The following ZDHHC21 variants were observed in gnomAD, a reference collection of about 807,000 sequenced individuals.
ZDHHC21 encodes zDHHC palmitoyltransferase 21, also known as palmitoyltransferase ZDHHC21.
A neutral mutation model predicts 34.6 loss-of-function variants in ZDHHC21; 15 were observed. The ratio of observed to expected loss-of-function variants is 0.43; its 90% CI spans 0.29 to 0.67. The LOEUF (loss-of-function observed/expected upper bound fraction) is 0.67, where lower values mean the gene tolerates loss of function less well. Among genes scored for constraint, ZDHHC21 ranks in the 30% least tolerant of loss-of-function variants. The probability of loss-of-function intolerance (pLI) is 0.14; values close to 1 mark genes in which losing one functional copy is unlikely to be tolerated. For missense variants in ZDHHC21, 344 were observed against 327.7 expected (o/e 1.05, Z -0.38); for synonymous variants, 142 against 101.8 (o/e 1.40, Z -2.38).
At chr9:14,682,635 G>T (rs1176505820) in intron 2 of ZDHHC21, among the ~76,000 whole-genome samples, 1 of 152,156 alleles carries the variant, frequency 6.6e-6, no homozygotes, top group African/African-American at 2.4e-5. Flanking sequence ...CAACGAGACA[G>T]GAAGTTAACA....
chr9:14,661,441 T>C (rs977483722), intron 6 of ZDHHC21, among the ~76,000 whole-genome samples: 5 of 152,202 alleles, frequency 3.3e-5, no homozygotes, highest in Admixed American at 6.5e-5. Flanking sequence ...ATACTACATA[T>C]ATGTATACAG....
In ZDHHC21 at chr9:14,658,862, T is replaced by A; in HGVS notation, c.391A>T (p.Asn131Tyr). ...PWINNCVGED[N>Y]HWLFLQLCFY... Reference sequence around the variant, plus strand: ...CACAACTGCAGAAAGAGCCAATGATTATCTTCACCAACACAATTGTTAATC... The same window carrying A: ...CACAACTGCAGAAAGAGCCAATGATAATCTTCACCAACACAATTGTTAATC... Residue 131 changes from asparagine to tyrosine, a missense_variant, in exon 7 of 10, where the codon AAT becomes TAT. Physicochemically the swap from Asn to Tyr is moderately radical, Grantham distance 143. Coordinates refer to ENST00000380916, the MANE Select transcript of ZDHHC21 (RefSeq NM_178566.6). The A allele has an allele frequency of 1.2e-6, 2 of 1,613,072 alleles. No homozygotes were observed. Among genetic ancestry groups the A allele is most frequent in the Non-Finnish European group, 1.7e-6 (2 of 1,179,464 alleles).
At chr9:14,625,747 AAAAAT>A (rs1267910697) in intron 8 of ZDHHC21, among the ~76,000 whole-genome samples, 1 of 151,938 alleles carries the variant, frequency 6.6e-6, no homozygotes, top group Non-Finnish European at 1.5e-5. Context: ...TTTTATAATG[AAAAAT>A]AAAATAATAG....
At chr9:14,664,886 C>T (rs1475923977) in intron 5 of ZDHHC21, among the ~76,000 whole-genome samples, 1 of 151,572 alleles carries the variant, frequency 6.6e-6, no homozygotes, top group South Asian at 2.1e-4. Context: ...GATAAAATCA[C>T]AAAGATGGGG....
intron 2 of ZDHHC21, among the ~76,000 whole-genome samples, chr9:14,689,353 T>C (rs1056465733): frequency 6.6e-6 from 1 of 152,218 alleles, no homozygotes; most frequent in Non-Finnish European, 1.5e-5. Flanking sequence ...CAGAAGCTAA[T>C]AAAGAATGTA....
At chr9:14,658,673 G>A (rs1375755884) in intron 7 of ZDHHC21, 76 bp downstream of exon 7, 17 of 1,236,734 alleles carry the variant, frequency 1.4e-5, no homozygotes, top group African/African-American at 4.6e-5. Context: ...GGGTTTCACC[G>A]TGTTAGCCAG....
intron 7 of ZDHHC21, among the ~76,000 whole-genome samples, chr9:14,646,046 G>A (rs72704939): frequency 0.032 from 4,914 of 152,118 alleles, 103 homozygotes; most frequent in Non-Finnish European, 0.047. Context: ...AGCACTTCTC[G>A]CTATACATCT....
the ZDHHC21 span, among the ~76,000 whole-genome samples, chr9:14,599,336 C>T: frequency 6.6e-6 from 1 of 152,148 alleles, no homozygotes; most frequent in Admixed American, 6.5e-5. Flanking sequence ...ACTTGGGAAG[C>T]ACAAGGGGTT....
chr9:14,687,273 A>T, intron 2 of ZDHHC21, among the ~76,000 whole-genome samples: 1 of 150,858 alleles, frequency 6.6e-6, no homozygotes, highest in South Asian at 2.1e-4. Context: ...ATTTATAGTT[A>T]TCAGAGCTAC....
rs1035576631 is a variant in ZDHHC21 at position 14,651,155 on chromosome 9, A to T, written c.504+7594T>A. Among the ~76,000 whole-genome samples the T allele has an allele frequency of 6.6e-5, 10 of 151,850 alleles. No homozygotes were observed. The East Asian group carries it at 9.6e-4, about 15-fold the overall frequency. Reference sequence around the variant, plus strand: ...GCTGATTTCCAGCAGGAACATATTTAAAAAAATATTTTTAACCCACTGCGA... The same window carrying T: ...GCTGATTTCCAGCAGGAACATATTTTAAAAAATATTTTTAACCCACTGCGA... On this transcript the variant is annotated intron_variant, in intron 7 of 9. Coordinates refer to ENST00000380916, the MANE Select transcript of ZDHHC21 (RefSeq NM_178566.6).
At chr9:14,692,506 G>T (rs916875808) in intron 1 of ZDHHC21, among the ~76,000 whole-genome samples, 10 of 151,866 alleles carry the variant, frequency 6.6e-5, no homozygotes, top group African/African-American at 2.2e-4. Flanking sequence ...GTAATAATTG[G>T]TCATGTCCTC....
At position 14,618,960 on chromosome 9, in the gene ZDHHC21, A is replaced by G. The variant is rs772210050; in HGVS notation, c.*6T>C. 6.3e-7 allele frequency: 1 copy of G among 1,594,998 alleles called. No homozygotes were observed. The highest frequency in any genetic ancestry group is 8.5e-7 in the Non-Finnish European group (1 of 1,170,308). ...GAGGACCCATCTGTGCCCACCATCCATCTGTTTAGACATGATTGGCAAAGT... is the reference window on the plus strand; with the variant it reads ...GAGGACCCATCTGTGCCCACCATCCGTCTGTTTAGACATGATTGGCAAAGT... On this transcript the variant is annotated 3_prime_UTR_variant, in exon 10 of 10. Coordinates refer to ENST00000380916, the MANE Select transcript of ZDHHC21 (RefSeq NM_178566.6).
rs1824729233 is a variant in ZDHHC21 at position 14,618,861 on chromosome 9, G to C, written c.*105C>G. 1 of 1,305,916 alleles carries C rather than the reference G, an allele frequency of 7.7e-7. No homozygotes were observed. Among genetic ancestry groups the C allele is most frequent in the Non-Finnish European group, 1.0e-6 (1 of 989,192 alleles). 80.9% of individuals were successfully genotyped at this position (1,305,916 alleles called of 1,614,324 possible). The stretch of plus-strand genomic sequence containing the variant: ...GGGCACATTATGATGCCTAAGACTG[G>C]TGGGTGGATTTTAATTGACTTGAAG... On this transcript the variant is annotated 3_prime_UTR_variant, in exon 10 of 10. Transcript: ENST00000380916.
chr9:14,663,942 T>C (rs181218999), intron 5 of ZDHHC21, among the ~76,000 whole-genome samples: 3 of 152,266 alleles, frequency 2.0e-5, no homozygotes, highest in Admixed American at 6.5e-5. Flanking sequence ...CATATTCCAC[T>C]CCCCTACTTA....
chr9:14,629,704 T>C (rs531199322), intron 8 of ZDHHC21, among the ~76,000 whole-genome samples: 1 of 152,244 alleles, frequency 6.6e-6, no homozygotes, highest in African/African-American at 2.4e-5. Flanking sequence ...TACCTCCAAG[T>C]TGACAGCTTC....
At chr9:14,682,322 C>T (rs978483886) in intron 2 of ZDHHC21, among the ~76,000 whole-genome samples, 2 of 152,008 alleles carry the variant, frequency 1.3e-5, no homozygotes, top group African/African-American at 4.8e-5. Context: ...CACACATAGG[C>T]TCAAAATAAA....
chr9:14,625,862 T>C (rs772759340), intron 8 of ZDHHC21, among the ~76,000 whole-genome samples: 4 of 151,998 alleles, frequency 2.6e-5, no homozygotes, highest in Non-Finnish European at 4.4e-5. Context: ...GATTCATTCA[T>C]TCATTTATCC....
At chr9:14,609,994 A>G (rs1823150479), downstream of ZDHHC21, among the ~76,000 whole-genome samples, 1 of 152,088 alleles carries the variant, frequency 6.6e-6, no homozygotes, top group Non-Finnish European at 1.5e-5. Context: ...GAAGGCAGAC[A>G]TGAGAGCTTT....
intron 2 of ZDHHC21, among the ~76,000 whole-genome samples, chr9:14,680,759 A>C (rs369308565): frequency 7.9e-5 from 12 of 152,204 alleles, no homozygotes; most frequent in African/African-American, 2.9e-4. Flanking sequence ...TAGATGAAAA[A>C]GAGAGGCTCT....
Sources: gnomAD v4.1 joint callset for allele counts (sites outside exome capture counted in the v4.1 genomes callset) on GRCh38, gnomAD v4.1.1 for gene constraint, MANE v1.5 for transcripts, NCBI Gene and HGNC (gene_info 2026-07-23, HGNC 2026-07-21) for gene names.